CCDC138: variants seen among roughly 807,000 people sequenced by gnomAD.
CCDC138 encodes the protein coiled-coil domain-containing protein 138.
A neutral mutation model predicts 82.3 loss-of-function variants in CCDC138; 66 were observed. The observed-to-expected ratio is 0.80, with a 90% CI of 0.66 to 0.98. CCDC138 has a LOEUF of 0.98. Ranked by LOEUF, CCDC138 falls within the 50% of genes least tolerant of loss-of-function variation. The pLI, the probability that CCDC138 is intolerant of heterozygous loss-of-function variation, is 0.00. For missense variants in CCDC138, 816 were observed against 758.9 expected, an observed-to-expected ratio of 1.08 and a Z score of -0.88; for synonymous variants, 297 against 265.4, an observed-to-expected ratio of 1.12 and a Z score of -1.16.
In CCDC138 at chr2:108,812,829, G is replaced by A. The variant is rs777265536; in HGVS notation, c.943G>A (p.Glu315Lys). 1.4e-5 allele frequency: 23 copies of A among 1,612,670 alleles called. No individual in the cohort carries two copies. The highest frequency in any genetic ancestry group is 1.7e-5 in the Non-Finnish European group (20 of 1,179,104). The part of the protein sequence containing the change: ...ARLDNLQRKY[E>K]FMTIQRLKGS... Reference sequence around the variant, plus strand: ...ATATATACTGTTGCAGAGGAAGTACGAGTTTATGACAATACAGAGATTGAA... The same window carrying A: ...ATATATACTGTTGCAGAGGAAGTACAAGTTTATGACAATACAGAGATTGAA... The change falls in exon 9 of 15, where the codon GAG (glutamate) becomes AAG (lysine). Residue 315 changes from glutamate (E) to lysine (K), a missense_variant. By Grantham distance (56) the Glu-to-Lys change is moderately conservative (BLOSUM62 1). Transcript: ENST00000295124.
chr2:108,816,365 C>T (rs1182198394), intron 10 of CCDC138, among the ~76,000 whole-genome samples: 2 of 152,084 alleles, frequency 1.3e-5, no homozygotes, highest in African/African-American at 4.8e-5. Context: ...GCAGGAGAAA[C>T]GCTTGAATCT....
At chr2:108,825,953 G>A (rs907263411) in intron 10 of CCDC138, among the ~76,000 whole-genome samples, 2 of 152,278 alleles carry the variant, frequency 1.3e-5, no homozygotes, top group East Asian at 3.9e-4. Context: ...TGTCATCTCA[G>A]TGAGTATGAA....
chr2:108,876,225 A>G lies in CCDC138; in HGVS notation c.1970A>G (p.Asn657Ser), dbSNP rs762653677. The change falls in exon 15 of 15, where the codon AAC (asparagine) becomes AGC (serine). Residue 657 changes from asparagine to serine, a missense_variant. Asn to Ser is a conservative substitution (Grantham distance 46, BLOSUM62 1). Coordinates refer to ENST00000295124, the MANE Select transcript of CCDC138 (RefSeq NM_144978.3). ...TLFNLGLTKCNSLVSSASP is the reference protein window; with the variant it reads ...TLFNLGLTKCSSLVSSASP ...TTCAATCTGGGTTTAACAAAATGTA[A>G]CTCCCTGGTCTCCAGTGCAAGCCCT... The G allele has an allele frequency of 1.9e-6, 3 of 1,612,376 alleles. No individual in the cohort carries two copies. The South Asian group carries it at 3.3e-5, about 18-fold the overall frequency.
At chr2:108,820,395 A>G (rs1297831353) in intron 10 of CCDC138, among the ~76,000 whole-genome samples, 1 of 152,144 alleles carries the variant, frequency 6.6e-6, no homozygotes, top group Admixed American at 6.6e-5. Context: ...AGAGAAGGAG[A>G]AGGAGGAGAG....
At chr2:108,811,243 C>CTGTT (rs777748122) in intron 7 of CCDC138, among the ~76,000 whole-genome samples, 1 of 28,700 alleles carries the variant, frequency 3.5e-5, no homozygotes, top group Non-Finnish European at 6.5e-5. Context: ...TTCTTTCTCT[C>CTGTT]TCTCTTTTTT....
intron 7 of CCDC138, among the ~76,000 whole-genome samples, chr2:108,808,519 GT>G (rs1443584877): frequency 6.6e-6 from 1 of 152,030 alleles, no homozygotes; most frequent in East Asian, 1.9e-4. Context: ...CCTCACCAAC[GT>G]TTATTACTTT....
chr2:108,821,471 G>A (rs1047663653), intron 10 of CCDC138, among the ~76,000 whole-genome samples: 12 of 152,150 alleles, frequency 7.9e-5, no homozygotes, highest in African/African-American at 2.9e-4. Flanking sequence ...ATAACTTTAA[G>A]ATGTTTTATG....
chr2:108,862,168 G>A (rs1324085653), intron 13 of CCDC138, among the ~76,000 whole-genome samples: 1 of 148,702 alleles, frequency 6.7e-6, no homozygotes, highest in African/African-American at 2.5e-5. Context: ...TATATATTCT[G>A]TGGTTGTGGG....
intron 12 of CCDC138, among the ~76,000 whole-genome samples, chr2:108,854,108 TATATATA>T (rs1436406341): frequency 7.4e-6 from 1 of 134,418 alleles, no homozygotes; most frequent in Non-Finnish European, 1.5e-5. Context: ...ATATAATAAA[TATATATA>T]ATATATACAT....
At chr2:108,820,911 G>A (rs1685588573) in intron 10 of CCDC138, among the ~76,000 whole-genome samples, 1 of 152,042 alleles carries the variant, frequency 6.6e-6, no homozygotes, top group Admixed American at 6.6e-5. Context: ...AACATTCTGT[G>A]TTAAAGGCAA....
intron 7 of CCDC138, among the ~76,000 whole-genome samples, chr2:108,806,169 A>G (rs1027700749): frequency 6.6e-6 from 1 of 152,074 alleles, no homozygotes; most frequent in Non-Finnish European, 1.5e-5. Flanking sequence ...GGCTGTTACT[A>G]TTAGACTTAT....
intron 7 of CCDC138, among the ~76,000 whole-genome samples, chr2:108,805,803 A>G (rs894486961): frequency 3.3e-5 from 5 of 152,068 alleles, no homozygotes; most frequent in Admixed American, 6.6e-5. Context: ...AGTTATGTCT[A>G]TTTTTTTCCT....
intron 4 of CCDC138, among the ~76,000 whole-genome samples, chr2:108,794,177 A>G (rs1406271776): frequency 6.6e-6 from 1 of 152,176 alleles, no homozygotes; most frequent in East Asian, 1.9e-4. Flanking sequence ...AGCATGTAAC[A>G]CTTACTTGCA....
intron 12 of CCDC138, among the ~76,000 whole-genome samples, chr2:108,853,872 CTATAT>C (rs1270097164): frequency 8.8e-6 from 1 of 113,700 alleles, no homozygotes; most frequent in East Asian, 2.2e-4. Context: ...AATATATATA[CTATAT>C]AATATATTAT....
At chr2:108,824,596 C>T (rs1446439304) in intron 10 of CCDC138, among the ~76,000 whole-genome samples, 2 of 151,894 alleles carry the variant, frequency 1.3e-5, no homozygotes, top group Admixed American at 1.3e-4. Flanking sequence ...TTACATTTAA[C>T]TTTTTTTTAA....
At chr2:108,824,738 A>G (rs1361288775) in intron 10 of CCDC138, among the ~76,000 whole-genome samples, 2 of 152,194 alleles carry the variant, frequency 1.3e-5, no homozygotes, top group Non-Finnish European at 2.9e-5. Flanking sequence ...TATGTGTTAT[A>G]CTTTTATTCT....
intron 14 of CCDC138, 44 bp from the exon 15 acceptor site, chr2:108,876,040 AACTC>A: frequency 8.0e-7 from 1 of 1,248,600 alleles, no homozygotes; most frequent in African/African-American, 1.5e-5. Flanking sequence ...ATTGCAGATA[AACTC>A]TCTAAGTATG....
At chr2:108,810,734 T>A (rs1447761243) in intron 7 of CCDC138, among the ~76,000 whole-genome samples, 1 of 152,222 alleles carries the variant, frequency 6.6e-6, no homozygotes, top group African/African-American at 2.4e-5. Context: ...AATTGGTATT[T>A]GTTCTTTAAA....
At chr2:108,830,205 A>G (rs538144028) in intron 10 of CCDC138, among the ~76,000 whole-genome samples, 247 of 152,314 alleles carry the variant, frequency 1.6e-3, no homozygotes, top group Admixed American at 5.5e-3. Flanking sequence ...AGTACCTAGA[A>G]TAGTCAAATT....
Sources: allele counts gnomAD v4.1 joint callset (sites outside exome capture counted in the v4.1 genomes callset), GRCh38; gene constraint gnomAD v4.1.1; transcripts MANE v1.5; gene names NCBI Gene and HGNC (gene_info 2026-07-23, HGNC 2026-07-21).